The following ITGA8 variants were observed in gnomAD, a reference collection of about 807,000 sequenced individuals.
The protein encoded by ITGA8 is integrin subunit alpha 8.
A neutral mutation model predicts 142.3 loss-of-function variants in ITGA8; 91 were observed. That is an observed-to-expected ratio of 0.64 (90% CI 0.54 to 0.76). The LOEUF (loss-of-function observed/expected upper bound fraction) is 0.76, where lower values mean the gene tolerates loss of function less well. Ranked by LOEUF, ITGA8 falls within the 30% of genes least tolerant of loss-of-function variation. The probability of loss-of-function intolerance (pLI) is 0.00; values close to 1 mark genes in which losing one functional copy is unlikely to be tolerated. For missense variants in ITGA8, 1,406 were observed against 1,327.7 expected, an observed-to-expected ratio of 1.06 and a Z score of -0.92; for synonymous variants, 505 against 485.2, an observed-to-expected ratio of 1.04 and a Z score of -0.54.
intron 13 of ITGA8, among the ~76,000 whole-genome samples, chr10:15,624,235 G>C (rs1833542475): frequency 6.6e-6 from 1 of 152,182 alleles, no homozygotes; most frequent in South Asian, 2.1e-4. Flanking sequence ...ACACGGTGTT[G>C]TATGTCAGGT....
At chr10:15,552,259 C>T (rs1833804303) in intron 26 of ITGA8, among the ~76,000 whole-genome samples, 1 of 152,110 alleles carries the variant, frequency 6.6e-6, no homozygotes, top group African/African-American at 2.4e-5. Context: ...GCCTCAGCCT[C>T]TGGAGTAGCT....
intron 2 of ITGA8, among the ~76,000 whole-genome samples, chr10:15,693,454 G>T (rs1834970772): frequency 6.6e-6 from 1 of 152,104 alleles, no homozygotes; most frequent in Non-Finnish European, 1.5e-5. Context: ...AGAAAATCAT[G>T]AATTTCCCTC....
intron 13 of ITGA8, among the ~76,000 whole-genome samples, chr10:15,633,884 T>A (rs574873879): frequency 2.0e-5 from 3 of 152,252 alleles, no homozygotes; most frequent in Non-Finnish European, 4.4e-5. Flanking sequence ...CTGGGTCAGA[T>A]GATGACCAAA....
chr10:15,637,069 TG>T (rs1479819814), intron 13 of ITGA8, among the ~76,000 whole-genome samples: 2 of 152,272 alleles, frequency 1.3e-5, no homozygotes, highest in East Asian at 1.9e-4. Flanking sequence ...CCCTTGAACC[TG>T]GGCGGCGGAG....
At chr10:15,525,971 T>A (rs1447111432) in intron 28 of ITGA8, among the ~76,000 whole-genome samples, 2 of 152,198 alleles carry the variant, frequency 1.3e-5, no homozygotes, top group Non-Finnish European at 2.9e-5. Flanking sequence ...CCTGTGAAAG[T>A]AACACAACCG....
chr10:15,694,238 TATC>T (rs1160509319), intron 2 of ITGA8, among the ~76,000 whole-genome samples: 1 of 135,958 alleles, frequency 7.4e-6, no homozygotes, highest in Non-Finnish European at 1.5e-5. Context: ...TATGATAATA[TATC>T]ATATATATGA....
chr10:15,567,933 G>C (rs1018186340), intron 25 of ITGA8, among the ~76,000 whole-genome samples: 1 of 152,108 alleles, frequency 6.6e-6, no homozygotes, highest in Non-Finnish European at 1.5e-5. Context: ...TTTGTTTAGA[G>C]GCAGGATGTC....
intron 27 of ITGA8, among the ~76,000 whole-genome samples, chr10:15,535,400 T>C (rs1833408767): frequency 6.6e-6 from 1 of 152,222 alleles, no homozygotes; most frequent in Non-Finnish European, 1.5e-5. Context: ...GCTGGGCTCC[T>C]GACTGGTAGG....
chr10:15,666,914 G>T (rs747486534), intron 8 of ITGA8, among the ~76,000 whole-genome samples: 2 of 152,182 alleles, frequency 1.3e-5, no homozygotes, highest in Non-Finnish European at 2.9e-5. Flanking sequence ...GCTGGATTCG[G>T]TTTGCCAGTA....
intron 27 of ITGA8, among the ~76,000 whole-genome samples, chr10:15,543,843 A>G (rs1185473710): frequency 2.0e-5 from 3 of 152,170 alleles, no homozygotes; most frequent in Non-Finnish European, 2.9e-5. Flanking sequence ...ATGAGACTGT[A>G]CTGGGATTAG....
intron 13 of ITGA8, among the ~76,000 whole-genome samples, chr10:15,619,127 C>T (rs1833445221): frequency 6.6e-6 from 1 of 152,170 alleles, no homozygotes; most frequent in East Asian, 1.9e-4. Context: ...CCCGTAGTGG[C>T]AACTGGCTTG....
intron 15 of ITGA8, among the ~76,000 whole-genome samples, chr10:15,611,050 A>G (rs1833285041): frequency 6.6e-6 from 1 of 152,238 alleles, no homozygotes; most frequent in Admixed American, 6.5e-5. Context: ...CATCGATGGA[A>G]GTGAAGAACT....
Position 15,514,087 on chromosome 10 carries a change from A to AT in ITGA8, c.*3070dup, listed in dbSNP as rs1022648388. 4 of 149,888 alleles carry AT rather than the reference A, an allele frequency of 2.7e-5. No homozygotes were observed. The highest frequency in any genetic ancestry group is 1.0e-4 in the African/African-American group (4 of 39,250). The allele number at this position is 149,888 out of a possible 1,614,324, so 9.3% of individuals were successfully genotyped here. A position where few individuals can be genotyped will look rare whatever the true frequency, so the allele number is the denominator to read the frequency against. ...GTTTCAGGGGTGACTAGTACATATTATTTTTTTATTTACTGTATAAAAATC... is the reference window on the plus strand; with the variant it reads ...GTTTCAGGGGTGACTAGTACATATTATTTTTTTTATTTACTGTATAAAAATC... On this transcript the variant is annotated 3_prime_UTR_variant, in exon 30 of 30. Transcript: ENST00000378076.
At chr10:15,581,607 T>C (rs1314712785) in intron 23 of ITGA8, among the ~76,000 whole-genome samples, 1 of 152,172 alleles carries the variant, frequency 6.6e-6, no homozygotes, top group Non-Finnish European at 1.5e-5. Context: ...TCTAACTTTA[T>C]AATTGGATAA....
intron 2 of ITGA8, among the ~76,000 whole-genome samples, chr10:15,701,765 G>A (rs1175863632): frequency 6.6e-6 from 1 of 152,210 alleles, no homozygotes; most frequent in African/African-American, 2.4e-5. Flanking sequence ...ACAACCTTCA[G>A]TCATCACTTT....
chr10:15,655,488 C>A (rs1834167446), intron 10 of ITGA8, 82 bp from the exon 11 acceptor site: 4 of 941,386 alleles, frequency 4.2e-6, no homozygotes, highest in Non-Finnish European at 3.4e-6. Context: ...CTGAAAGATT[C>A]ATCTCATTGT....
At chr10:15,670,928 C>T (rs1224429698) in intron 8 of ITGA8, among the ~76,000 whole-genome samples, 3 of 152,168 alleles carry the variant, frequency 2.0e-5, no homozygotes, top group African/African-American at 7.2e-5. Flanking sequence ...GAAGTTGGCC[C>T]CTGCCCCTTT....
chr10:15,694,475 A>G (rs1371631026), intron 2 of ITGA8, among the ~76,000 whole-genome samples: 1 of 136,650 alleles, frequency 7.3e-6, no homozygotes, highest in Non-Finnish European at 1.5e-5. Context: ...TCTATTATAT[A>G]TAAAATATAT....
rs1324891634 is a variant in ITGA8, at chr10:15,515,505, CA to C, written c.*1652del. The C allele has an allele frequency of 1.3e-5, 2 of 151,828 alleles. No homozygotes were observed. The highest frequency in any genetic ancestry group is 2.1e-4 in the South Asian group (1 of 4,792). 9.4% of individuals were successfully genotyped at this position (151,828 alleles called of 1,614,324 possible). A position where few individuals can be genotyped will look rare whatever the true frequency, so the allele number is the denominator to read the frequency against. On this transcript the variant is annotated 3_prime_UTR_variant, in exon 30 of 30. Transcript: ENST00000378076. ...CTGTGAGCTTGGCTCATCTTTCAAACAAAGCGTGATTGTTGAAATCAGGACA... is the reference window on the plus strand; with the variant it reads ...CTGTGAGCTTGGCTCATCTTTCAAACAAGCGTGATTGTTGAAATCAGGACA...
Sources: allele counts gnomAD v4.1 joint callset (sites outside exome capture counted in the v4.1 genomes callset), GRCh38; gene constraint gnomAD v4.1.1; transcripts MANE v1.5; gene names NCBI Gene and HGNC (gene_info 2026-07-23, HGNC 2026-07-21).